Variants in FRAS1 observed in about 807,000 individuals in gnomAD.
FRAS1 encodes Fraser extracellular matrix complex subunit 1.
In FRAS1, 290 loss-of-function variants were observed where a neutral mutation model predicts 435.2. The ratio of observed to expected loss-of-function variants is 0.67; its 90% CI spans 0.61 to 0.73. The LOEUF (loss-of-function observed/expected upper bound fraction) is 0.73. FRAS1 is among the 30% of genes least tolerant of loss of function. The pLI is 0.00. For missense variants in FRAS1, 4,860 were observed against 5,001.5 expected, an observed-to-expected ratio of 0.97 and a Z score of 0.85; for synonymous variants, 1,800 against 1,851.0, an observed-to-expected ratio of 0.97 and a Z score of 0.71.
intron 9 of FRAS1, among the ~76,000 whole-genome samples, chr4:78,268,302 A>G (rs1726476770): frequency 6.6e-6 from 1 of 152,216 alleles, no homozygotes; most frequent in African/African-American, 2.4e-5. Flanking sequence ...ACAACCTTTC[A>G]GACATGGCTG....
At chr4:78,287,680 A>G (rs990646321) in intron 14 of FRAS1, among the ~76,000 whole-genome samples, 8 of 152,188 alleles carry the variant, frequency 5.3e-5, no homozygotes, top group African/African-American at 1.9e-4. Context: ...TAAAAAGGCT[A>G]AGTTCATGGT....
At chr4:78,090,819 G>A (rs1431346148) in intron 2 of FRAS1, among the ~76,000 whole-genome samples, 1 of 151,998 alleles carries the variant, frequency 6.6e-6, no homozygotes, top group Admixed American at 6.6e-5. Context: ...TTATCCTTTT[G>A]TGCATTAACT....
chr4:78,395,956 G>A (rs1442411444), intron 29 of FRAS1, among the ~76,000 whole-genome samples: 1 of 151,644 alleles, frequency 6.6e-6, no homozygotes, highest in Non-Finnish European at 1.5e-5. Context: ...TTGCCTTTGT[G>A]ATTTGATGAT....
chr4:78,215,809 T>G (rs1436133349), intron 2 of FRAS1, among the ~76,000 whole-genome samples: 1 of 152,246 alleles, frequency 6.6e-6, no homozygotes, highest in Admixed American at 6.5e-5. Flanking sequence ...CTGATTGATA[T>G]TCCATTGTAT....
rs771633910 is a variant in FRAS1, at chr4:78,522,725, T to G, written c.10725T>G (p.Ile3575Met). 3.1e-6 allele frequency: 5 copies of G among 1,612,198 alleles called. No individual in the cohort carries two copies. In the South Asian group the frequency reaches 5.5e-5, roughly 18 times the overall value. ...TGACTCCAGACCACCTAGGAGGAAT[T>G]GAATTTGACTTGCAGCTATTATGGA... Reference protein sequence around the residue: ...FVLTPDHLGGIEFDLQLLWSA... With the variant: ...FVLTPDHLGGMEFDLQLLWSA... The change falls in exon 69 of 74, where the codon ATT becomes ATG. Residue 3575 changes from isoleucine (I) to methionine (M), a missense_variant. Physicochemically the swap from Ile to Met is conservative, Grantham distance 10. Transcript: ENST00000512123.
intron 2 of FRAS1, among the ~76,000 whole-genome samples, chr4:78,198,986 T>C (rs894228944): frequency 2.6e-5 from 4 of 152,230 alleles, no homozygotes; most frequent in Non-Finnish European, 5.9e-5. Context: ...TTAGTAGTTA[T>C]AGTTTGGGGG....
chr4:78,270,647 C>G lies in FRAS1; in HGVS notation c.981+3215C>G, dbSNP rs897301608. 2.6e-5 allele frequency among the ~76,000 whole-genome samples: 4 copies of G among 151,248 alleles called. No homozygotes were observed. The East Asian group carries it at 7.8e-4, about 29-fold the overall frequency. Reference sequence around the variant, plus strand: ...GTCTGTATGTATTTTAGTGGACACTCAAGAATCTCTCATGTGTTTTGTCTT... The same window carrying G: ...GTCTGTATGTATTTTAGTGGACACTGAAGAATCTCTCATGTGTTTTGTCTT... On this transcript the variant is annotated intron_variant, in intron 9 of 73. Coordinates refer to ENST00000512123, the MANE Select transcript of FRAS1 (RefSeq NM_025074.7).
intron 2 of FRAS1, among the ~76,000 whole-genome samples, chr4:78,103,059 A>G (rs1742213008): frequency 6.6e-6 from 1 of 152,124 alleles, no homozygotes; most frequent in Non-Finnish European, 1.5e-5. Context: ...TCCCACTATG[A>G]CACAGAAAGA....
At chr4:78,255,446 G>A in intron 6 of FRAS1, 71 bp downstream of exon 6, 1 of 1,428,048 alleles carries the variant, frequency 7.0e-7, no homozygotes, top group East Asian at 2.4e-5. Context: ...CTGAGATTAT[G>A]GCAGGCAGGC....
At chr4:78,428,798 A>G (rs1277977005) in intron 35 of FRAS1, among the ~76,000 whole-genome samples, 2 of 152,136 alleles carry the variant, frequency 1.3e-5, no homozygotes, top group African/African-American at 2.4e-5. Flanking sequence ...CTTTCCACTA[A>G]CATTTATCAA....
At chr4:78,307,106 C>G (rs936887285) in intron 14 of FRAS1, among the ~76,000 whole-genome samples, 12 of 152,128 alleles carry the variant, frequency 7.9e-5, no homozygotes, top group Admixed American at 7.9e-4. Flanking sequence ...AGCTTCAGGT[C>G]TGTTGGAGTA....
At chr4:78,307,454 T>G (rs924284098) in intron 14 of FRAS1, among the ~76,000 whole-genome samples, 2 of 151,910 alleles carry the variant, frequency 1.3e-5, no homozygotes, top group Admixed American at 1.3e-4. Flanking sequence ...CGGGCGCCCC[T>G]CCCCCAGCCT....
In FRAS1 at chr4:78,499,896, G is replaced by C; in HGVS notation, c.9291G>C (p.Lys3097Asn). 1 of 1,579,262 alleles carries C rather than the reference G, an allele frequency of 6.3e-7. No homozygotes were observed. The highest frequency in any genetic ancestry group is 1.3e-5 in the African/African-American group (1 of 74,494). Residue 3097 changes from lysine to asparagine, a missense_variant, in exon 61 of 74, where the codon AAG becomes AAC. Physicochemically the swap from Lys to Asn is moderately conservative, Grantham distance 94. Coordinates refer to ENST00000512123, the MANE Select transcript of FRAS1 (RefSeq NM_025074.7). ...AGTCTGGTGTGGATTATTACCCAAA[G>C]AGCCGAGTCTTGAAGTTCAGTCCCG... ...SAQSGVDYYP[K>N]SRVLKFSPGV...
chr4:78,258,910 T>C (rs1421939120), intron 6 of FRAS1, among the ~76,000 whole-genome samples: 3 of 113,410 alleles, frequency 2.6e-5, no homozygotes, highest in Admixed American at 9.8e-5. Flanking sequence ...CCTGTGTCCA[T>C]GTGTTCTCAT....
chr4:78,226,169 T>C (rs1724261473), intron 2 of FRAS1, among the ~76,000 whole-genome samples: 1 of 152,194 alleles, frequency 6.6e-6, no homozygotes, highest in South Asian at 2.1e-4. Context: ...TTCATCCATC[T>C]CCTATCTTGC....
chr4:78,229,796 G>A (rs1056902856), intron 2 of FRAS1, among the ~76,000 whole-genome samples: 3 of 151,880 alleles, frequency 2.0e-5, no homozygotes, highest in Admixed American at 1.3e-4. Flanking sequence ...AATTCACTCT[G>A]CCTTTTCACA....
intron 2 of FRAS1, among the ~76,000 whole-genome samples, chr4:78,205,744 G>T (rs1017860142): frequency 1.3e-5 from 2 of 152,132 alleles, no homozygotes; most frequent in African/African-American, 4.8e-5. Context: ...CAGGAAGAGG[G>T]GAGGGGAGAG....
intron 2 of FRAS1, among the ~76,000 whole-genome samples, chr4:78,167,112 T>A (rs1385043658): frequency 6.6e-6 from 1 of 152,244 alleles, no homozygotes; most frequent in African/African-American, 2.4e-5. Flanking sequence ...ATACCAATTA[T>A]ACATTGGCTT....
At chr4:78,220,169 C>T (rs1196981988) in intron 2 of FRAS1, among the ~76,000 whole-genome samples, 1 of 152,212 alleles carries the variant, frequency 6.6e-6, no homozygotes, top group Non-Finnish European at 1.5e-5. Context: ...CAGACACAAT[C>T]TATTTTGTTG....
Sources: gnomAD v4.1 joint callset for allele counts (sites outside exome capture counted in the v4.1 genomes callset) on GRCh38, gnomAD v4.1.1 for gene constraint, MANE v1.5 for transcripts, NCBI Gene and HGNC (gene_info 2026-07-23, HGNC 2026-07-21) for gene names.